SLC39A9: variants seen among roughly 807,000 people sequenced by gnomAD.
SLC39A9 encodes the protein solute carrier family 39 member 9, also known as zinc transporter ZIP9.
In SLC39A9, 14 loss-of-function variants were observed where a neutral mutation model predicts 28.4. That is an observed-to-expected ratio of 0.49 (90% confidence interval 0.33 to 0.77). SLC39A9 has a LOEUF of 0.77. SLC39A9 is among the 30% of genes least tolerant of loss of function. The pLI, the probability that SLC39A9 is intolerant of heterozygous loss-of-function variation, is 0.02. For missense variants in SLC39A9, 283 were observed against 381.1 expected (o/e 0.74, Z 2.14); for synonymous variants, 119 against 149.6 (o/e 0.80, Z 1.49).
At chr14:69,456,515 A>G (rs939151365) in intron 6 of SLC39A9, among the ~76,000 whole-genome samples, 1 of 152,116 alleles carries the variant, frequency 6.6e-6, no homozygotes, top group African/African-American at 2.4e-5. Flanking sequence ...CCAGATAGTA[A>G]CTGTACAGTT....
chr14:69,455,909 A>G, intron 6 of SLC39A9, 43 bp downstream of exon 6: 1 of 1,589,322 alleles, frequency 6.3e-7, no homozygotes. Context: ...GTGTCTTGTG[A>G]TCTCTTAGAA....
Position 69,461,450 on chromosome 14 carries a change from G to A in SLC39A9, c.*2857G>A. 1.5e-6 allele frequency: 2 copies of A among 1,342,642 alleles called. No homozygotes were observed. Among genetic ancestry groups the A allele is most frequent in the Non-Finnish European group, 9.6e-7 (1 of 1,042,752 alleles). 83.2% of individuals were successfully genotyped at this position (1,342,642 alleles called of 1,614,324 possible). On this transcript the variant is annotated 3_prime_UTR_variant, in exon 7 of 7. Coordinates refer to ENST00000336643, the MANE Select transcript of SLC39A9 (RefSeq NM_018375.5). Reference sequence around the variant, plus strand: ...AGCAAAGATTCTGCACTGGAACGTAGACAGTTGGAAACAGTACTACCTACC... The same window carrying A: ...AGCAAAGATTCTGCACTGGAACGTAAACAGTTGGAAACAGTACTACCTACC...
rs142184352 is a variant in SLC39A9 at position 69,407,027 on chromosome 14, T to C, written c.96+7562T>C. Among the ~76,000 whole-genome samples, 326 of 151,506 alleles carry C rather than the reference T, an allele frequency of 2.2e-3. 14 individuals are homozygous for C. In the East Asian group the frequency reaches 0.053, roughly 25 times the overall value. Reference sequence around the variant, plus strand: ...CACCATAACCAGCTAATTTTTTGTATTTTTAGTAGAGACAAGGTTTCACCA... The same window carrying C: ...CACCATAACCAGCTAATTTTTTGTACTTTTAGTAGAGACAAGGTTTCACCA... On this transcript the variant is annotated intron_variant, in intron 1 of 6. Transcript: ENST00000336643.
intron 1 of SLC39A9, among the ~76,000 whole-genome samples, chr14:69,413,936 G>A (rs757737858): frequency 6.6e-6 from 1 of 151,650 alleles, no homozygotes; most frequent in Non-Finnish European, 1.5e-5. Flanking sequence ...AATTTGAATT[G>A]ATAACTTTGG....
chr14:69,424,019 G>A (rs1884048324), intron 1 of SLC39A9, 75 bp from the exon 2 acceptor site: 2 of 1,055,028 alleles, frequency 1.9e-6, no homozygotes, highest in African/African-American at 3.1e-5. Flanking sequence ...TCACAGTCTT[G>A]ATTACAGATA....
Position 69,461,089 on chromosome 14 carries a change from C to G in SLC39A9, c.*2496C>G. 1 of 986,512 alleles carries G rather than the reference C, an allele frequency of 1.0e-6. No individual in the cohort carries two copies. The highest frequency in any genetic ancestry group is 1.2e-6 in the Non-Finnish European group (1 of 830,712). 61.1% of individuals were successfully genotyped at this position (986,512 alleles called of 1,614,324 possible). On this transcript the variant is annotated 3_prime_UTR_variant, in exon 7 of 7. Transcript: ENST00000336643. ...ATGTGGATGCCTTAATGCTGTAACACATTTGAAAACATTGGCAATACTTAA... is the reference window on the plus strand; with the variant it reads ...ATGTGGATGCCTTAATGCTGTAACAGATTTGAAAACATTGGCAATACTTAA...
chr14:69,433,141 T>C (rs191593150), intron 2 of SLC39A9, among the ~76,000 whole-genome samples: 5 of 152,182 alleles, frequency 3.3e-5, no homozygotes, highest in Non-Finnish European at 5.9e-5. Context: ...TTTAATGATA[T>C]AAGGAAGTTC....
At chr14:69,437,292 G>A (rs12878175) in intron 2 of SLC39A9, among the ~76,000 whole-genome samples, 68,690 of 151,962 alleles carry the variant, frequency 0.45, 15,703 homozygotes, top group Middle Eastern at 0.59. Context: ...AGAGGAGGTA[G>A]AGAAAAAAAG....
At chr14:69,427,045 G>C (rs1045670258) in intron 2 of SLC39A9, among the ~76,000 whole-genome samples, 13 of 133,618 alleles carry the variant, frequency 9.7e-5, no homozygotes, top group African/African-American at 3.1e-4. Context: ...GACTCACTCT[G>C]TCTCCCACGC....
chr14:69,422,006 C>T (rs1052941960), intron 1 of SLC39A9, among the ~76,000 whole-genome samples: 1 of 152,082 alleles, frequency 6.6e-6, no homozygotes, highest in African/African-American at 2.4e-5. Flanking sequence ...CCTCCCTGGG[C>T]TGCACTCACT....
At chr14:69,426,312 C>G (rs1459677908) in intron 2 of SLC39A9, among the ~76,000 whole-genome samples, 1 of 152,164 alleles carries the variant, frequency 6.6e-6, no homozygotes, top group Non-Finnish European at 1.5e-5. Context: ...CCCACAACCC[C>G]CTCTTTGGGT....
chr14:69,461,189 C>G lies in SLC39A9; in HGVS notation c.*2596C>G. On this transcript the variant is annotated 3_prime_UTR_variant, in exon 7 of 7. Coordinates refer to ENST00000336643, the MANE Select transcript of SLC39A9 (RefSeq NM_018375.5). The stretch of plus-strand genomic sequence containing the variant: ...TTGATGATGAGAAGCATGATTCTTG[C>G]TTCCATATAACCAAAGTTAATCTTA... 1.0e-6 allele frequency: 1 copy of G among 987,386 alleles called. No individual in the cohort carries two copies. The highest frequency in any genetic ancestry group is 1.2e-6 in the Non-Finnish European group (1 of 831,184). 61.2% of individuals were successfully genotyped at this position (987,386 alleles called of 1,614,324 possible).
intron 1 of SLC39A9, among the ~76,000 whole-genome samples, chr14:69,413,400 C>T (rs1350018126): frequency 6.6e-6 from 1 of 152,012 alleles, no homozygotes; most frequent in Non-Finnish European, 1.5e-5. Flanking sequence ...ACAGGATTAC[C>T]TCCTTTTAAT....
At chr14:69,452,399 G>A (rs1885650544) in intron 3 of SLC39A9, among the ~76,000 whole-genome samples, 1 of 152,054 alleles carries the variant, frequency 6.6e-6, no homozygotes, top group African/African-American at 2.4e-5. Context: ...GCACAATCTC[G>A]GCTCATTGCA....
intron 3 of SLC39A9, among the ~76,000 whole-genome samples, chr14:69,445,260 C>T (rs1034976011): frequency 3.9e-5 from 6 of 152,068 alleles, no homozygotes; most frequent in Admixed American, 6.5e-5. Flanking sequence ...TTCACCTCTT[C>T]TACCTCTGCC....
At chr14:69,412,036 C>T (rs564737066) in intron 1 of SLC39A9, among the ~76,000 whole-genome samples, 143 of 152,026 alleles carry the variant, frequency 9.4e-4, no homozygotes, top group South Asian at 6.6e-3. Flanking sequence ...CTGCCTCAAC[C>T]TCCCATAGTG....
intron 1 of SLC39A9, among the ~76,000 whole-genome samples, chr14:69,423,693 T>C (rs892922266): frequency 6.6e-6 from 1 of 151,812 alleles, no homozygotes; most frequent in Non-Finnish European, 1.5e-5. Context: ...AGGTCAGGAG[T>C]TGGAGACCAG....
Position 69,459,896 on chromosome 14 carries a change from C to T in SLC39A9, c.*1303C>T, listed in dbSNP as rs1477621329. On this transcript the variant is annotated 3_prime_UTR_variant, in exon 7 of 7. Coordinates refer to ENST00000336643, the MANE Select transcript of SLC39A9 (RefSeq NM_018375.5). ...AGATAATAATATCTTTATTCTTTAT[C>T]CCCCTTCAAAGAAATTACCTTTGTG... 1.0e-6 allele frequency: 1 copy of T among 985,102 alleles called. No individual in the cohort carries two copies. Among genetic ancestry groups the T allele is most frequent in the East Asian group, 1.1e-4 (1 of 8,830 alleles). 61.0% of individuals were successfully genotyped at this position (985,102 alleles called of 1,614,324 possible).
chr14:69,439,124 A>G (rs1884920934), intron 2 of SLC39A9, among the ~76,000 whole-genome samples: 1 of 152,216 alleles, frequency 6.6e-6, no homozygotes, highest in Non-Finnish European at 1.5e-5. Context: ...TATCAGTTGC[A>G]TTTTTATACA....
Sources: allele counts gnomAD v4.1 joint callset (sites outside exome capture counted in the v4.1 genomes callset), GRCh38; gene constraint gnomAD v4.1.1; transcripts MANE v1.5; gene names NCBI Gene and HGNC (gene_info 2026-07-23, HGNC 2026-07-21).